Variants in CCP110 observed in about 807,000 individuals in gnomAD.
CCP110 encodes the protein centriolar coiled-coil protein 110.
A neutral mutation model predicts 105.5 loss-of-function variants in CCP110; 43 were observed. The observed-to-expected ratio is 0.41, with a 90% confidence interval of 0.32 to 0.53. The LOEUF (loss-of-function observed/expected upper bound fraction) is 0.53, where lower values mean the gene tolerates loss of function less well. CCP110 is among the 20% of genes least tolerant of loss of function. The pLI is 0.32. For missense variants in CCP110, 1,016 were observed against 1,189.1 expected, an observed-to-expected ratio of 0.85 and a Z score of 2.14; for synonymous variants, 353 against 392.1, an observed-to-expected ratio of 0.90 and a Z score of 1.18.
chr16:19,550,098 GAT>G (rs1326640196), intron 14 of CCP110, among the ~76,000 whole-genome samples: 21 of 151,946 alleles, frequency 1.4e-4, no homozygotes, highest in Non-Finnish European at 2.9e-4. Context: ...GTTTTCTAAA[GAT>G]TTACTTATAC....
At chr16:19,535,001 C>T (rs571543545) in intron 3 of CCP110, among the ~76,000 whole-genome samples, 8 of 151,572 alleles carry the variant, frequency 5.3e-5, no homozygotes, top group African/African-American at 1.9e-4. Context: ...TTGCTTCAGC[C>T]TCCTGAGTAG....
chr16:19,538,408 C>G (rs1175665646), intron 4 of CCP110, among the ~76,000 whole-genome samples: 3 of 134,786 alleles, frequency 2.2e-5, no homozygotes, highest in Non-Finnish European at 4.6e-5. Flanking sequence ...TTCCTGGGTT[C>G]AATTGATTTT....
rs866102658 is a variant in CCP110, at chr16:19,539,427, C to T, written c.1919-1230C>T. On this transcript the variant is annotated intron_variant, in intron 4 of 14. Transcript: ENST00000381396. ...TCACCCAGGCTAGATTGCTGTGGTG[C>T]GATCTCAGTTCACTGTAGGCCTGGG... is the stretch of plus-strand genomic sequence containing the variant. Among the ~76,000 whole-genome samples the T allele has an allele frequency of 5.3e-5, 8 of 150,418 alleles. No homozygotes were observed. In the South Asian group the frequency reaches 6.3e-4, roughly 12 times the overall value.
intron 1 of CCP110, 149 bp downstream of exon 1, chr16:19,524,237 G>T (rs1969587539): frequency 6.6e-6 from 1 of 152,484 alleles, no homozygotes; most frequent in African/African-American, 2.4e-5. Context: ...CGGCTGTTGG[G>T]AGGCGGGACC....
chr16:19,553,124 A>C (rs1348238589), exon 15 of CCP110: 1 of 152,214 alleles, frequency 6.6e-6, no homozygotes, highest in East Asian at 1.9e-4. Flanking sequence ...GTTTTGGAGA[A>C]AGTTAAAACT....
At chr16:19,526,602 G>A (rs1391123160) in intron 1 of CCP110, 2 of 151,976 alleles carry the variant, frequency 1.3e-5, no homozygotes, top group Non-Finnish European at 1.5e-5. Context: ...GTAGGAAGAA[G>A]TTTTGTTATT....
chr16:19,541,771 T>C, intron 5 of CCP110, 116 bp from the exon 6 acceptor site: 1 of 505,854 alleles, frequency 2.0e-6, no homozygotes, highest in Non-Finnish European at 3.4e-6. Context: ...GAAGAAAAAC[T>C]TGAAATAAAT....
At chr16:19,545,558 T>G (rs1038010525) in intron 10 of CCP110, among the ~76,000 whole-genome samples, 1 of 152,144 alleles carries the variant, frequency 6.6e-6, no homozygotes, top group Non-Finnish European at 1.5e-5. Flanking sequence ...CCAAGTTAAT[T>G]TGAAGTATAT....
intron 5 of CCP110, 142 bp from the exon 6 acceptor site, chr16:19,541,743 AAG>A: frequency 2.0e-5 from 9 of 457,690 alleles, no homozygotes; most frequent in Non-Finnish European, 3.4e-5. Flanking sequence ...AGGGAGAAGG[AAG>A]GAAGGATAAT....
intron 4 of CCP110, among the ~76,000 whole-genome samples, chr16:19,538,985 A>G (rs1338413083): frequency 1.3e-5 from 2 of 151,852 alleles, no homozygotes; most frequent in African/African-American, 2.4e-5. Context: ...AGTGGTGCAC[A>G]TCTTTAATCC....
At position 19,548,594 on chromosome 16, in the gene CCP110, G is replaced by A; in HGVS notation, c.2980G>A (p.Val994Ile). 1.3e-6 allele frequency: 2 copies of A among 1,545,752 alleles called. No individual in the cohort carries two copies. Among genetic ancestry groups the A allele is most frequent in the South Asian group, 1.2e-5 (1 of 83,750 alleles). Residue 994 changes from valine (V) to isoleucine (I), a missense_variant, in exon 14 of 15, where the codon GTT becomes ATT. By Grantham distance (29) the Val-to-Ile change is conservative (BLOSUM62 3). Transcript: ENST00000381396. This position sits in a 1 kb window ranked among gnomAD's most constrained non-coding sequence, Gnocchi z 4.1. ...GAGCAGAGTGCCTAACAGAGTGCCT[G>A]TTTCAGGTTTGTAGAAAATAAATTC...
chr16:19,548,821 G>A lies in CCP110; in HGVS notation c.2986+221G>A, dbSNP rs1437497694. Among the ~76,000 whole-genome samples, 1 of 152,162 alleles carries A rather than the reference G, an allele frequency of 6.6e-6. No individual in the cohort carries two copies. The highest frequency in any genetic ancestry group is 1.5e-5 in the Non-Finnish European group (1 of 68,030). The stretch of plus-strand genomic sequence containing the variant: ...CAGTCTTCATTTCTATAATATTTCT[G>A]TGGAAAGCACCTTGTATTTTTCATT... On this transcript the variant is annotated intron_variant, in intron 14 of 14. Transcript: ENST00000381396. The surrounding 1 kb of genome is among the most constrained non-coding windows in gnomAD (Gnocchi z 4.1).
intron 2 of CCP110, among the ~76,000 whole-genome samples, chr16:19,531,753 G>T (rs1969875593): frequency 6.6e-6 from 1 of 152,166 alleles, no homozygotes; most frequent in African/African-American, 2.4e-5. Context: ...AGATCACAAA[G>T]TCAGGAGTTC....
At chr16:19,546,432 C>T in exon 12 of CCP110, 1 of 1,586,378 alleles carries the variant, frequency 6.3e-7, no homozygotes, top group Non-Finnish European at 8.7e-7. Flanking sequence ...ATGGGAATGC[C>T]AAATAAGAAA....
exon 10 of CCP110, chr16:19,545,108 G>T (rs1970416583): frequency 6.2e-7 from 1 of 1,607,568 alleles, no homozygotes; most frequent in Non-Finnish European, 8.5e-7. Flanking sequence ...GAGCTGCCTT[G>T]TACGGTATTC....
chr16:19,527,696 G>C (rs1263928426), intron 1 of CCP110, 171 bp from the exon 2 acceptor site: 1 of 416,240 alleles, frequency 2.4e-6, no homozygotes, highest in African/African-American at 2.0e-5. Context: ...ACAGGTTCTT[G>C]AGGTGAATTA....
At chr16:19,551,394 A>G (rs1013471816) in exon 15 of CCP110, 28 of 740,506 alleles carry the variant, frequency 3.8e-5, no homozygotes, top group Admixed American at 1.0e-4. Flanking sequence ...TCATTTGGTC[A>G]GTTTGGTAAT....
At chr16:19,527,952 G>A (rs1969732108) in exon 2 of CCP110, 1 of 1,613,604 alleles carries the variant, frequency 6.2e-7, no homozygotes, top group Non-Finnish European at 8.5e-7. Context: ...TCCACAGAGA[G>A]CTTTCTCCCT....
chr16:19,529,620 G>A lies in CCP110; in HGVS notation c.141+1598G>A, dbSNP rs116461105. ...AATTGCCTAGCTATTTGAAAACCAC[G>A]GAGACCTGACACTGCTCCCCTAAAT... On this transcript the variant is annotated intron_variant, in intron 2 of 14. Coordinates refer to ENST00000381396, the Ensembl canonical transcript of CCP110. Among the ~76,000 whole-genome samples, 470 of 152,110 alleles carry A rather than the reference G, an allele frequency of 3.1e-3. 5 individuals carry two copies. Among genetic ancestry groups the A allele is most frequent in the African/African-American group, 8.7e-3 (359 of 41,480 alleles).
Sources: allele counts gnomAD v4.1 joint callset (sites outside exome capture counted in the v4.1 genomes callset), GRCh38; gene constraint gnomAD v4.1.1; non-coding constraint Gnocchi (gnomAD v3.1); transcripts MANE v1.5; gene names NCBI Gene and HGNC (gene_info 2026-07-23, HGNC 2026-07-21).